The following TUSC3 variants were observed in gnomAD, a reference collection of about 807,000 sequenced individuals.
TUSC3 encodes the protein dolichyl-diphosphooligosaccharide--protein glycosyltransferase subunit TUSC3.
A neutral mutation model predicts 44.8 loss-of-function variants in TUSC3; 45 were observed. That is an observed-to-expected ratio of 1.00 (90% CI 0.79 to 1.29). The LOEUF (loss-of-function observed/expected upper bound fraction) is 1.29, where lower values mean the gene tolerates loss of function less well. Among genes scored for constraint, TUSC3 ranks in the 50% most tolerant of loss-of-function variants. The pLI, the probability that TUSC3 is intolerant of heterozygous loss-of-function variation, is 0.00. For synonymous variants in TUSC3, 212 were observed against 152.9 expected, an observed-to-expected ratio of 1.39 and a Z score of -2.85; for missense variants, 519 against 437.9, an observed-to-expected ratio of 1.19 and a Z score of -1.65.
chr8:15,831,150 C>T, the TUSC3 span, among the ~76,000 whole-genome samples: 2 of 152,160 alleles, frequency 1.3e-5, no homozygotes, highest in Admixed American at 6.5e-5. Context: ...AACAAGTCCC[C>T]CAGAATTAGG....
intron 2 of TUSC3, among the ~76,000 whole-genome samples, chr8:15,521,407 A>G (rs1345990471): frequency 6.6e-6 from 1 of 152,122 alleles, no homozygotes; most frequent in Non-Finnish European, 1.5e-5. Context: ...AATGAAACAG[A>G]GAAAAGGCAC....
intron 2 of TUSC3, among the ~76,000 whole-genome samples, chr8:15,627,028 A>G (rs1805542129): frequency 6.6e-6 from 1 of 151,974 alleles, no homozygotes; most frequent in Non-Finnish European, 1.5e-5. Flanking sequence ...AAAGTGTGGT[A>G]CTTTTTCCTA....
At chr8:15,802,561 A>T in the TUSC3 span, among the ~76,000 whole-genome samples, 2 of 152,102 alleles carry the variant, frequency 1.3e-5, 1 homozygote, top group African/African-American at 4.8e-5. Context: ...AGCTAGGATT[A>T]CAGGTGCACG....
At chr8:15,845,441 G>C in the TUSC3 span, among the ~76,000 whole-genome samples, 15 of 152,238 alleles carry the variant, frequency 9.9e-5, no homozygotes, top group East Asian at 2.9e-3. Flanking sequence ...CAGGGAGAGA[G>C]TGACCAAATT....
chr8:15,445,599 A>C (rs544087903), intron 1 of TUSC3, among the ~76,000 whole-genome samples: 477 of 152,310 alleles, frequency 3.1e-3, no homozygotes, highest in African/African-American at 0.011. Flanking sequence ...CCCTGAGTGG[A>C]CACAGCACAT....
intron 1 of TUSC3, among the ~76,000 whole-genome samples, chr8:15,559,758 T>G (rs1802386540): frequency 8.8e-6 from 1 of 113,652 alleles, no homozygotes; most frequent in Non-Finnish European, 1.9e-5. Context: ...CATTATGTAA[T>G]GGCCTTCTTT....
chr8:15,508,431 T>A (rs1039161416), intron 2 of TUSC3, among the ~76,000 whole-genome samples: 72 of 149,040 alleles, frequency 4.8e-4, no homozygotes, highest in Non-Finnish European at 2.2e-4. Flanking sequence ...TAGGTAACTT[T>A]GAGGTAGTTT....
At position 15,737,267 on chromosome 8, in the gene TUSC3, C is replaced by T. The variant is rs546066445; in HGVS notation, c.863-6271C>T. ...TATAATGTGCTAACATTTTTTTCAACGTCTATTTACATTTATCTATCTTTA... is the reference window on the plus strand; with the variant it reads ...TATAATGTGCTAACATTTTTTTCAATGTCTATTTACATTTATCTATCTTTA... On this transcript the variant is annotated intron_variant, in intron 7 of 10. Coordinates refer to ENST00000503731, the MANE Select transcript of TUSC3 (RefSeq NM_006765.4). 1.7e-4 allele frequency among the ~76,000 whole-genome samples: 26 copies of T among 152,012 alleles called. 1 individual carries two copies. Among genetic ancestry groups the T allele is most frequent in the African/African-American group, 6.0e-4 (25 of 41,488 alleles).
chr8:15,424,025 T>C (rs1176626215), intron 1 of TUSC3, among the ~76,000 whole-genome samples: 4 of 136,864 alleles, frequency 2.9e-5, no homozygotes, highest in Non-Finnish European at 6.2e-5. Flanking sequence ...AGTTTTGCTC[T>C]TGTTGCCCAT....
intron 1 of TUSC3, among the ~76,000 whole-genome samples, chr8:15,545,963 A>C (rs960955869): frequency 6.6e-6 from 1 of 151,792 alleles, no homozygotes; most frequent in Middle Eastern, 3.2e-3. Flanking sequence ...GCTCATCTCC[A>C]TAAGAATTCC....
intron 2 of TUSC3, among the ~76,000 whole-genome samples, chr8:15,644,214 A>G (rs761108985): frequency 2.8e-4 from 42 of 152,336 alleles, no homozygotes; most frequent in Non-Finnish European, 4.4e-4. Flanking sequence ...AAGATTTACT[A>G]TAACACATTT....
chr8:15,471,759 A>G (rs1279680812), intron 1 of TUSC3, among the ~76,000 whole-genome samples: 1 of 152,002 alleles, frequency 6.6e-6, no homozygotes, highest in African/African-American at 2.4e-5. Flanking sequence ...CTGGGATTGC[A>G]GGTGCTCACC....
chr8:15,609,095 C>T (rs946045894), intron 1 of TUSC3, among the ~76,000 whole-genome samples: 3 of 152,076 alleles, frequency 2.0e-5, no homozygotes, highest in Non-Finnish European at 4.4e-5. Flanking sequence ...ACGATGTAAG[C>T]GTTACATATT....
rs535275997 is a variant in TUSC3 at position 15,590,569 on chromosome 8, T to A, written c.139-32511T>A. On this transcript the variant is annotated intron_variant, in intron 1 of 10. Transcript: ENST00000503731. ...TAGAGGTTCTAGAATAGAAGGAATTTCCCTGAACACCACTCTGCCATGTTG... is the reference window on the plus strand; with the variant it reads ...TAGAGGTTCTAGAATAGAAGGAATTACCCTGAACACCACTCTGCCATGTTG... Among the ~76,000 whole-genome samples, 7 of 152,226 alleles carry A rather than the reference T, an allele frequency of 4.6e-5. No individual in the cohort carries two copies. The East Asian group carries it at 9.7e-4, about 21-fold the overall frequency.
chr8:15,740,989 C>T (rs1415580602), intron 7 of TUSC3, among the ~76,000 whole-genome samples: 2 of 152,196 alleles, frequency 1.3e-5, no homozygotes, highest in East Asian at 3.9e-4. Flanking sequence ...AAACATGTTA[C>T]TCATAGTTTT....
chr8:15,699,073 C>T (rs1809289247), intron 6 of TUSC3, among the ~76,000 whole-genome samples: 1 of 152,078 alleles, frequency 6.6e-6, no homozygotes, highest in African/African-American at 2.4e-5. Context: ...GTCTTGGACT[C>T]CTAGCCTCAA....
rs187403520 is a variant in TUSC3 at position 15,742,188 on chromosome 8, G to C, written c.863-1350G>C. Among the ~76,000 whole-genome samples, 306 of 88,002 alleles carry C rather than the reference G, an allele frequency of 3.5e-3. 1 individual carries two copies. The highest frequency in any genetic ancestry group is 0.012 in the African/African-American group (297 of 24,902). 57.7% of individuals were successfully genotyped at this position (88,002 alleles called of 152,430 possible). A position where few individuals can be genotyped will look rare whatever the true frequency, so the allele number is the denominator to read the frequency against. ...AGTGTTTTTCAAGCTGTGTAGCATG[G>C]ATCTCTAAAAGTTTAGTGCTAGTCT... On this transcript the variant is annotated intron_variant, in intron 7 of 10. Transcript: ENST00000503731.
chr8:15,720,201 T>TATATACAC (rs369753796), intron 6 of TUSC3, among the ~76,000 whole-genome samples: 1,571 of 141,612 alleles, frequency 0.011, 39 homozygotes, highest in African/African-American at 0.04. Flanking sequence ...TATATATATA[T>TATATACAC]ACACACACAC....
chr8:15,800,275 C>T, the TUSC3 span, among the ~76,000 whole-genome samples: 1 of 152,132 alleles, frequency 6.6e-6, no homozygotes, highest in Non-Finnish European at 1.5e-5. Flanking sequence ...TCATAGATGA[C>T]ATTTTCTCTC....
Sources: gnomAD v4.1 joint callset for allele counts (sites outside exome capture counted in the v4.1 genomes callset) on GRCh38, gnomAD v4.1.1 for gene constraint, MANE v1.5 for transcripts, NCBI Gene and HGNC (gene_info 2026-07-23, HGNC 2026-07-21) for gene names.